STK36: variants seen among roughly 807,000 people sequenced by gnomAD.
STK36 encodes serine/threonine-protein kinase 36.
STK36 carries 116 observed loss-of-function variants against 142.2 expected under a neutral mutation model. The observed-to-expected ratio is 0.82, with a 90% CI of 0.70 to 0.95. The LOEUF (loss-of-function observed/expected upper bound fraction) is 0.95, where lower values mean the gene tolerates loss of function less well. STK36 is among the 40% of genes least tolerant of loss of function. The pLI, the probability that STK36 is intolerant of heterozygous loss-of-function variation, is 0.00. For missense variants in STK36, 1,422 were observed against 1,617.2 expected (o/e 0.88, Z 2.07); for synonymous variants, 619 against 641.7 (o/e 0.96, Z 0.53).
At chr2:218,697,731 T>TCTACTTA in intron 24 of STK36, 121 bp downstream of exon 24, 1 of 1,587,016 alleles carries the variant, frequency 6.3e-7, no homozygotes, top group Admixed American at 1.7e-5. Flanking sequence ...AGGTTTAGGC[T>TCTACTTA]GGAAACCTAA....
At chr2:218,682,918 C>T (rs1010079656) in intron 10 of STK36, among the ~76,000 whole-genome samples, 1 of 152,092 alleles carries the variant, frequency 6.6e-6, no homozygotes, top group Non-Finnish European at 1.5e-5. Flanking sequence ...GTTATGCCTC[C>T]TTAGTCTCCT....
At position 218,694,733 on chromosome 2, in the gene STK36, TAA is replaced by T; in HGVS notation, c.2511+100_2511+101del. ...GACTGAAATGCCAGCAAGCCTGGAG[TAA>T]ACTGAGGAATGGAAAAGGAATCAAG... On this transcript the variant is annotated intron_variant, in intron 21 of 26. Transcript: ENST00000295709. The surrounding 1 kb of genome is among the most constrained non-coding windows in gnomAD (Gnocchi z 4.4). 9.8e-7 allele frequency: 1 copy of T among 1,024,274 alleles called. No homozygotes were observed. The highest frequency in any genetic ancestry group is 1.5e-6 in the Non-Finnish European group (1 of 679,302). The allele number at this position is 1,024,274 out of a possible 1,614,324, so 63.4% of individuals were successfully genotyped here. A position where few individuals can be genotyped will look rare whatever the true frequency, so the allele number is the denominator to read the frequency against.
chr2:218,683,961 C>CT (rs35930271), intron 10 of STK36, among the ~76,000 whole-genome samples: 71,352 of 135,812 alleles, frequency 0.53, 20,233 homozygotes, highest in African/African-American at 0.75. Context: ...ATATGTGCCA[C>CT]TTTTTTTTTT....
At chr2:218,674,900 A>G (rs1057365377) in intron 4 of STK36, among the ~76,000 whole-genome samples, 6 of 151,990 alleles carry the variant, frequency 3.9e-5, no homozygotes, top group Non-Finnish European at 7.4e-5. Context: ...ACGCCCGACC[A>G]CCATATTTGT....
chr2:218,700,198 G>T (rs1423508978), intron 26 of STK36, among the ~76,000 whole-genome samples: 1 of 151,774 alleles, frequency 6.6e-6, no homozygotes, highest in African/African-American at 2.4e-5. Flanking sequence ...TGGGATTATA[G>T]GCGTGAGCCA....
chr2:218,675,520 CTTTT>C (rs33970984), intron 5 of STK36, 47 bp downstream of exon 5: 4,180 of 1,137,620 alleles, frequency 3.7e-3, no homozygotes, highest in East Asian at 7.2e-3. Flanking sequence ...CACACGGAAT[CTTTT>C]TTTTTTTTTT....
chr2:218,684,167 A>G (rs1940669696), intron 10 of STK36, among the ~76,000 whole-genome samples: 2 of 143,044 alleles, frequency 1.4e-5, no homozygotes, highest in Admixed American at 7.3e-5. Context: ...GCTGGAGTGC[A>G]ATGGCACGAT....
intron 11 of STK36, among the ~76,000 whole-genome samples, chr2:218,687,456 G>GT (rs917726960): frequency 2.0e-5 from 3 of 152,162 alleles, no homozygotes; most frequent in Non-Finnish European, 4.4e-5. Context: ...TAAGTTGATC[G>GT]TTTTTGCATG....
intron 21 of STK36, 30 bp from the exon 22 acceptor site, chr2:218,696,497 A>ACCTGCATT: frequency 3.1e-6 from 5 of 1,606,966 alleles, no homozygotes; most frequent in Non-Finnish European, 4.3e-6. Context: ...CCTCTTAGGC[A>ACCTGCATT]CCTGCATTCT....
rs1165892847 is a variant in STK36, at chr2:218,676,138, G to A, written c.544G>A (p.Asp182Asn). ...GGAGCGACCATACGACCACACAGCG[G>A]ACCTCTGGTCTGTTGGCTGCATACT... is the stretch of plus-strand genomic sequence containing the variant. ...VEERPYDHTA[D>N]LWSVGCILYE... is the part of the protein sequence containing the mutation. The change falls in exon 6 of 27, where the codon GAC becomes AAC. Residue 182 changes from aspartate to asparagine, a missense_variant. Physicochemically the swap from Asp to Asn is conservative, Grantham distance 23. Transcript: ENST00000295709. The A allele has an allele frequency of 6.2e-7, 1 of 1,614,162 alleles. No homozygotes were observed. The highest frequency in any genetic ancestry group is 8.5e-7 in the Non-Finnish European group (1 of 1,180,036).
Position 218,697,109 on chromosome 2 carries a change from C to G in STK36, c.2657C>G (p.Ser886Cys). 6.2e-7 allele frequency: 1 copy of G among 1,614,166 alleles called. No homozygotes were observed. Among genetic ancestry groups the G allele is most frequent in the Non-Finnish European group, 8.5e-7 (1 of 1,180,036 alleles). ...TGGACCGTTTTGTGGCACCGCTTCT[C>G]CATGGTCCTGAGGCTCCCCGAGGAG... ...EMWTVLWHRF[S>C]MVLRLPEEAS... is the part of the protein sequence containing the mutation. The change falls in exon 23 of 27, where the codon TCC (serine) becomes TGC (cysteine). Residue 886 changes from serine to cysteine, a missense_variant. This residue lies in a region of STK36 where 962 missense variants were observed against 1,167.5 expected (regional missense o/e 0.82). Coordinates refer to ENST00000295709, the MANE Select transcript of STK36 (RefSeq NM_015690.5).
At chr2:218,675,308 CT>C (rs769782238) in intron 4 of STK36, 34 bp from the exon 5 acceptor site, 15 of 1,585,414 alleles carry the variant, frequency 9.5e-6, no homozygotes, top group South Asian at 4.6e-5. Flanking sequence ...TGTTTCTAAC[CT>C]TTTTTTTCTT....
At chr2:218,699,814 C>T (rs1941377291) in intron 26 of STK36, among the ~76,000 whole-genome samples, 1 of 152,156 alleles carries the variant, frequency 6.6e-6, no homozygotes, top group Non-Finnish European at 1.5e-5. Context: ...ATAACTTGTC[C>T]AAATTACAAG....
At chr2:218,682,181 C>T (rs1940553899) in intron 10 of STK36, among the ~76,000 whole-genome samples, 1 of 152,172 alleles carries the variant, frequency 6.6e-6, no homozygotes, top group Non-Finnish European at 1.5e-5. Flanking sequence ...CCTGCCTCGG[C>T]CTCCCAAAGT....
Position 218,697,153 on chromosome 2 carries a change from G to A in STK36, c.2701G>A (p.Glu901Lys), listed in dbSNP as rs763221083. 5.0e-6 allele frequency: 8 copies of A among 1,614,156 alleles called. No homozygotes were observed. The Admixed American group carries it at 1.3e-4, about 27-fold the overall frequency. Residue 901 changes from glutamate to lysine, a missense_variant, in exon 23 of 27, where the codon GAG becomes AAG. Coordinates refer to ENST00000295709, the MANE Select transcript of STK36 (RefSeq NM_015690.5). ...CGAGGAGGCATCTGCACAGGAAGGG[G>A]AGCTTTCGCTATCCAGTCCACCAAG... ...LPEEASAQEG[E>K]LSLSSPPSPE...
chr2:218,683,882 A>G (rs1349090756), intron 10 of STK36, among the ~76,000 whole-genome samples: 10 of 150,180 alleles, frequency 6.7e-5, no homozygotes, highest in African/African-American at 2.0e-4. Flanking sequence ...ATGATTTCCA[A>G]TTTCATCCAC....
At chr2:218,687,793 T>G (rs1575133097) in intron 11 of STK36, among the ~76,000 whole-genome samples, 1 of 152,244 alleles carries the variant, frequency 6.6e-6, no homozygotes, top group Admixed American at 6.5e-5. Flanking sequence ...GATGCCAACA[T>G]TTAGAACAGC....
rs1940074832 is a variant in STK36 at position 218,673,305 on chromosome 2, T to A, written c.85-320T>A. 3.2e-5 allele frequency: 13 copies of A among 401,058 alleles called. No individual in the cohort carries two copies. The South Asian group carries it at 5.3e-4, about 16-fold the overall frequency. The allele number at this position is 401,058 out of a possible 1,614,324, so 24.8% of individuals were successfully genotyped here. A position where few individuals can be genotyped will look rare whatever the true frequency, so the allele number is the denominator to read the frequency against. ...CACCATGTAATAAGAGGTAAACCAC[T>A]TGAACTCTATTATTTCCTCTTCATT... On this transcript the variant is annotated intron_variant, in intron 2 of 26. Coordinates refer to ENST00000295709, the MANE Select transcript of STK36 (RefSeq NM_015690.5).
chr2:218,678,844 C>A (rs1251125330), intron 6 of STK36, among the ~76,000 whole-genome samples: 1 of 152,202 alleles, frequency 6.6e-6, no homozygotes, highest in Non-Finnish European at 1.5e-5. Context: ...GTCTGAAGAT[C>A]ATTAAGAAGG....
Sources: gnomAD v4.1 joint callset for allele counts (sites outside exome capture counted in the v4.1 genomes callset) on GRCh38, gnomAD v4.1.1 for gene constraint, gnomAD v4.1.1 regional missense constraint, Gnocchi (gnomAD v3.1) non-coding constraint, MANE v1.5 for transcripts, NCBI Gene and HGNC (gene_info 2026-07-23, HGNC 2026-07-21) for gene names.